Variants in GABBR2 observed in about 807,000 individuals in gnomAD.
The protein encoded by GABBR2 is gamma-aminobutyric acid type B receptor subunit 2, also known as G-protein coupled receptor 51.
In GABBR2, 23 loss-of-function variants were observed where a neutral mutation model predicts 105.6. The ratio of observed to expected loss-of-function variants is 0.22; its 90% CI spans 0.16 to 0.31. The LOEUF is 0.31. Among genes scored for constraint, GABBR2 ranks in the 10% least tolerant of loss-of-function variants. The probability of loss-of-function intolerance (pLI) is 1.00; values close to 1 mark genes in which losing one functional copy is unlikely to be tolerated. For missense variants in GABBR2, 734 were observed against 1,245.5 expected (o/e 0.59, Z 6.18); for synonymous variants, 478 against 499.7 (o/e 0.96, Z 0.58).
chr9:98,459,544 G>A (rs1431286546), intron 6 of GABBR2, among the ~76,000 whole-genome samples: 1 of 152,188 alleles, frequency 6.6e-6, no homozygotes. Flanking sequence ...TGGCCAAGGT[G>A]CCAGAGTAAA....
chr9:98,371,884 C>T (rs1831789477), intron 11 of GABBR2, among the ~76,000 whole-genome samples: 1 of 152,248 alleles, frequency 6.6e-6, no homozygotes, highest in Admixed American at 6.5e-5. Flanking sequence ...GCTGAGATAC[C>T]ACCAAAAGGT....
At chr9:98,434,133 A>T (rs1043828758) in intron 7 of GABBR2, among the ~76,000 whole-genome samples, 1 of 152,130 alleles carries the variant, frequency 6.6e-6, no homozygotes, top group Non-Finnish European at 1.5e-5. Flanking sequence ...AAAAGCCTAG[A>T]CTGGCTTAGC....
At chr9:98,303,704 C>T (rs1830506154) in intron 15 of GABBR2, among the ~76,000 whole-genome samples, 2 of 152,182 alleles carry the variant, frequency 1.3e-5, no homozygotes, top group East Asian at 1.9e-4. Context: ...CCAACCAGGG[C>T]CCCCGAGGCC....
intron 3 of GABBR2, among the ~76,000 whole-genome samples, chr9:98,511,563 G>T (rs1027404219): frequency 4.6e-5 from 7 of 151,568 alleles, no homozygotes; most frequent in African/African-American, 1.7e-4. Context: ...AATAAAAAAT[G>T]ATAAAGGGGA....
intron 7 of GABBR2, among the ~76,000 whole-genome samples, chr9:98,428,116 C>T (rs983615973): frequency 1.3e-5 from 2 of 152,140 alleles, no homozygotes; most frequent in Non-Finnish European, 2.9e-5. Flanking sequence ...AATACAGGGC[C>T]ACAGGAGGAA....
In GABBR2 at chr9:98,478,539, A is replaced by C. The variant is rs560615927; in HGVS notation, c.798+2393T>G. Among the ~76,000 whole-genome samples, 4 of 152,292 alleles carry C rather than the reference A, an allele frequency of 2.6e-5. No individual in the cohort carries two copies. The East Asian group carries it at 7.7e-4, about 29-fold the overall frequency. On this transcript the variant is annotated intron_variant, in intron 5 of 18. Coordinates refer to ENST00000259455, the MANE Select transcript of GABBR2 (RefSeq NM_005458.8). Reference sequence around the variant, plus strand: ...GACTCTAAGAGAAACCTCATCTCAAAATGCCAAAACTAACAAGAGTGAAGA... The same window carrying C: ...GACTCTAAGAGAAACCTCATCTCAACATGCCAAAACTAACAAGAGTGAAGA...
At chr9:98,344,720 T>A (rs1831275153) in intron 13 of GABBR2, among the ~76,000 whole-genome samples, 1 of 152,174 alleles carries the variant, frequency 6.6e-6, no homozygotes, top group Non-Finnish European at 1.5e-5. Flanking sequence ...CATGGCTGTT[T>A]AATCACTCAG....
intron 11 of GABBR2, among the ~76,000 whole-genome samples, chr9:98,377,251 G>A (rs1047758118): frequency 3.3e-5 from 5 of 151,970 alleles, no homozygotes; most frequent in Non-Finnish European, 5.9e-5. Context: ...GGTGGGGAGG[G>A]GGCTGCTGTG....
chr9:98,654,218 A>ACAC (rs1354226120), intron 1 of GABBR2, among the ~76,000 whole-genome samples: 1 of 152,176 alleles, frequency 6.6e-6, no homozygotes, highest in African/African-American at 2.4e-5. Flanking sequence ...CTCTTCCCTG[A>ACAC]CACCACGGTG....
intron 3 of GABBR2, among the ~76,000 whole-genome samples, chr9:98,508,730 C>A (rs554473219): frequency 1.3e-5 from 2 of 151,890 alleles, no homozygotes; most frequent in African/African-American, 4.8e-5. Context: ...GCGCCCGCCA[C>A]TGCTGAGTTA....
At chr9:98,430,736 A>T (rs2131572367) in intron 7 of GABBR2, among the ~76,000 whole-genome samples, 1 of 151,880 alleles carries the variant, frequency 6.6e-6, no homozygotes, top group East Asian at 1.9e-4. Flanking sequence ...TTTGTCTCTG[A>T]ATTCTCATCT....
intron 11 of GABBR2, among the ~76,000 whole-genome samples, chr9:98,384,467 G>A (rs1016134807): frequency 5.9e-5 from 9 of 152,232 alleles, no homozygotes; most frequent in African/African-American, 1.9e-4. Context: ...GTGCATGCCT[G>A]TAGTCCCAGC....
At chr9:98,405,984 T>C in intron 8 of GABBR2, 97 bp downstream of exon 8, 1 of 750,436 alleles carries the variant, frequency 1.3e-6, no homozygotes, top group Non-Finnish European at 2.3e-6. Flanking sequence ...ATCTGGAACA[T>C]CACACTTGCA....
intron 1 of GABBR2, among the ~76,000 whole-genome samples, chr9:98,664,525 G>T (rs1371866102): frequency 6.6e-6 from 1 of 152,182 alleles, no homozygotes; most frequent in African/African-American, 2.4e-5. Context: ...GAAGCTGTTT[G>T]CATTTACATA....
intron 7 of GABBR2, among the ~76,000 whole-genome samples, chr9:98,415,570 C>T (rs2900382): frequency 0.25 from 38,771 of 152,106 alleles, 5,762 homozygotes; most frequent in Middle Eastern, 0.36. Flanking sequence ...AGGCTTCCCT[C>T]GGCAAAACGT....
chr9:98,474,185 C>A (rs1204904994), intron 5 of GABBR2, among the ~76,000 whole-genome samples: 1 of 152,114 alleles, frequency 6.6e-6, no homozygotes, highest in Non-Finnish European at 1.5e-5. Context: ...GGGAAAGTAA[C>A]TTTTCCAAGG....
At chr9:98,606,859 G>T in intron 1 of GABBR2, 1 of 505,276 alleles carries the variant, frequency 2.0e-6, no homozygotes, top group South Asian at 2.0e-5. Flanking sequence ...GCTGAGGAGA[G>T]AAGCGTCCAC....
At chr9:98,629,955 CT>C (rs1829794906) in intron 1 of GABBR2, among the ~76,000 whole-genome samples, 1 of 151,634 alleles carries the variant, frequency 6.6e-6, no homozygotes, top group South Asian at 2.1e-4. Flanking sequence ...GGTTTTTTTT[CT>C]TTTCTTCTTA....
chr9:98,300,817 A>G (rs1830457202), intron 16 of GABBR2, among the ~76,000 whole-genome samples: 1 of 152,208 alleles, frequency 6.6e-6, no homozygotes, highest in Non-Finnish European at 1.5e-5. Flanking sequence ...GGAGGAAGGA[A>G]TGCTACAGAG....
Sources: allele counts gnomAD v4.1 joint callset (sites outside exome capture counted in the v4.1 genomes callset), GRCh38; gene constraint gnomAD v4.1.1; transcripts MANE v1.5; gene names NCBI Gene and HGNC (gene_info 2026-07-23, HGNC 2026-07-21).